The following FSTL5 variants were observed in gnomAD, a reference collection of about 807,000 sequenced individuals.
FSTL5 encodes the protein follistatin like 5, also known as follistatin-related protein 5.
Under a neutral mutation model 89.1 loss-of-function variants are expected in FSTL5, and 62 were observed. That is an observed-to-expected ratio of 0.70 (90% CI 0.57 to 0.86). FSTL5 has a LOEUF of 0.86. FSTL5 is among the 40% of genes least tolerant of loss of function. The pLI, the probability that FSTL5 is intolerant of heterozygous loss-of-function variation, is 0.00. For synonymous variants in FSTL5, 383 were observed against 346.2 expected, an observed-to-expected ratio of 1.11 and a Z score of -1.18; for missense variants, 1,057 against 1,001.6, an observed-to-expected ratio of 1.06 and a Z score of -0.75.
intron 7 of FSTL5, among the ~76,000 whole-genome samples, chr4:161,606,767 A>G (rs1034268930): frequency 3.3e-5 from 5 of 152,222 alleles, no homozygotes; most frequent in African/African-American, 1.2e-4. Context: ...TGGATTCTGA[A>G]TATCTGGAGA....
intron 2 of FSTL5, among the ~76,000 whole-genome samples, chr4:162,042,654 C>A (rs1270025093): frequency 1.3e-5 from 2 of 151,868 alleles, no homozygotes; most frequent in East Asian, 3.9e-4. Context: ...AAAACCTATC[C>A]ATGGTACCCA....
At chr4:161,569,778 C>G (rs1381016447) in intron 8 of FSTL5, among the ~76,000 whole-genome samples, 1 of 151,578 alleles carries the variant, frequency 6.6e-6, no homozygotes, top group Admixed American at 6.6e-5. Flanking sequence ...CACACACACA[C>G]ACACACACAC....
At chr4:162,103,033 GT>G (rs1170877645) in intron 2 of FSTL5, among the ~76,000 whole-genome samples, 1 of 152,004 alleles carries the variant, frequency 6.6e-6, no homozygotes, top group African/African-American at 2.4e-5. Context: ...AAGAGCAACT[GT>G]TTTTGCATAC....
chr4:161,550,585 AT>A (rs1732170413), intron 8 of FSTL5, among the ~76,000 whole-genome samples: 2 of 142,500 alleles, frequency 1.4e-5, no homozygotes, highest in Non-Finnish European at 3.1e-5. Flanking sequence ...TTATTTATTT[AT>A]TTATTTATTA....
chr4:161,468,777 T>C (rs1166246879), intron 13 of FSTL5, among the ~76,000 whole-genome samples: 1 of 152,192 alleles, frequency 6.6e-6, no homozygotes, highest in Non-Finnish European at 1.5e-5. Flanking sequence ...ATTTTCTTAG[T>C]TGCTTTTATT....
chr4:161,584,263 G>A (rs960771827), intron 8 of FSTL5, among the ~76,000 whole-genome samples: 11 of 152,052 alleles, frequency 7.2e-5, no homozygotes, highest in South Asian at 2.1e-4. Context: ...GAAACTTTAC[G>A]TAATGCAAAA....
At chr4:161,527,282 A>G (rs931791989) in intron 10 of FSTL5, among the ~76,000 whole-genome samples, 4 of 152,152 alleles carry the variant, frequency 2.6e-5, no homozygotes, top group African/African-American at 4.8e-5. Flanking sequence ...TGAAAAGCCA[A>G]AATTGACAAA....
chr4:162,071,751 G>C (rs187706881), intron 2 of FSTL5, among the ~76,000 whole-genome samples: 1 of 151,692 alleles, frequency 6.6e-6, no homozygotes, highest in African/African-American at 2.4e-5. Context: ...GGCCACAACA[G>C]AAGTTTCAAC....
At chr4:161,499,544 AT>A (rs1730224210) in intron 12 of FSTL5, among the ~76,000 whole-genome samples, 1 of 152,124 alleles carries the variant, frequency 6.6e-6, no homozygotes, top group Admixed American at 6.5e-5. Flanking sequence ...ATTTTCCCTT[AT>A]TTATCTGAAT....
At chr4:162,101,509 C>T (rs1403708629) in intron 2 of FSTL5, among the ~76,000 whole-genome samples, 2 of 152,218 alleles carry the variant, frequency 1.3e-5, no homozygotes, top group East Asian at 1.9e-4. Context: ...GTTCCATTCT[C>T]GGCTGAAAAG....
intron 8 of FSTL5, among the ~76,000 whole-genome samples, chr4:161,573,826 G>T (rs67595414): frequency 0.3 from 43,759 of 148,314 alleles, 6,811 homozygotes; most frequent in Non-Finnish European, 0.35. Context: ...AGACAGAAAA[G>T]AAAAGAATAA....
intron 4 of FSTL5, among the ~76,000 whole-genome samples, chr4:161,877,112 A>T (rs1732468805): frequency 6.7e-6 from 1 of 148,602 alleles, no homozygotes; most frequent in Non-Finnish European, 1.5e-5. Flanking sequence ...TGAACCCAGG[A>T]GGTGGAGGTT....
intron 1 of FSTL5, among the ~76,000 whole-genome samples, chr4:162,140,600 G>A (rs1732690034): frequency 6.6e-6 from 1 of 152,168 alleles, no homozygotes; most frequent in Admixed American, 6.5e-5. Context: ...GGATCTGACA[G>A]ATGAGTGAAA....
intron 7 of FSTL5, among the ~76,000 whole-genome samples, chr4:161,600,548 C>T (rs1048928411): frequency 1.3e-5 from 2 of 151,996 alleles, no homozygotes; most frequent in African/African-American, 4.8e-5. Context: ...ACATAAGTAT[C>T]TCAAAGTAAA....
At chr4:162,043,938 CACA>C (rs989814634) in intron 2 of FSTL5, among the ~76,000 whole-genome samples, 15 of 152,088 alleles carry the variant, frequency 9.9e-5, no homozygotes, top group African/African-American at 3.6e-4. Context: ...TTGCTATTTC[CACA>C]ACATCTGCAG....
At chr4:161,877,840 G>T (rs1011605552) in intron 4 of FSTL5, among the ~76,000 whole-genome samples, 3 of 151,370 alleles carry the variant, frequency 2.0e-5, no homozygotes, top group Non-Finnish European at 4.4e-5. Context: ...ATTTTCAGTA[G>T]AGACGGGGTT....
chr4:161,699,300 C>A (rs530556251), intron 6 of FSTL5, among the ~76,000 whole-genome samples: 1 of 152,124 alleles, frequency 6.6e-6, no homozygotes, highest in Non-Finnish European at 1.5e-5. Flanking sequence ...AAAAAGATTT[C>A]ATGCAAATGG....
chr4:162,001,674 T>C (rs1736469527), intron 3 of FSTL5, among the ~76,000 whole-genome samples: 1 of 151,700 alleles, frequency 6.6e-6, no homozygotes, highest in Non-Finnish European at 1.5e-5. Context: ...TAGTGATGTA[T>C]ACATGTTTAG....
rs1197775888 is a variant in FSTL5 at position 161,887,713 on chromosome 4, A to AT, written c.409+32690dup. Reference sequence around the variant, plus strand: ...AAGCAATACCTTTTGTTGATCAAATATTTTCTCTTATTCAACTGCCAGTCT... The same window carrying AT: ...AAGCAATACCTTTTGTTGATCAAATATTTTTCTCTTATTCAACTGCCAGTCT... On this transcript the variant is annotated intron_variant, in intron 4 of 15. Coordinates refer to ENST00000306100, the MANE Select transcript of FSTL5 (RefSeq NM_020116.5). 2.0e-5 allele frequency among the ~76,000 whole-genome samples: 3 copies of AT among 152,098 alleles called. No individual in the cohort carries two copies. The East Asian group carries it at 5.8e-4, about 29-fold the overall frequency.
Sources: gnomAD v4.1 joint callset for allele counts (sites outside exome capture counted in the v4.1 genomes callset) on GRCh38, gnomAD v4.1.1 for gene constraint, MANE v1.5 for transcripts, NCBI Gene and HGNC (gene_info 2026-07-23, HGNC 2026-07-21) for gene names.